The following ATP7A variants were observed in gnomAD, a reference collection of about 807,000 sequenced individuals.
ATP7A encodes the protein ATPase copper transporting alpha.
In ATP7A, 7 loss-of-function variants were observed where a neutral mutation model predicts 83.5. The ratio of observed to expected loss-of-function variants is 0.08; its 90% confidence interval spans 0.05 to 0.16. The LOEUF (loss-of-function observed/expected upper bound fraction) is 0.16, where lower values mean the gene tolerates loss of function less well. ATP7A is among the 10% of genes least tolerant of loss of function. The probability of loss-of-function intolerance (pLI) is 1.00; values close to 1 mark genes in which losing one functional copy is unlikely to be tolerated. For synonymous variants in ATP7A, 354 were observed against 395.2 expected (o/e 0.90, Z 1.24); for missense variants, 940 against 1,120.8 (o/e 0.84, Z 2.30).
At chrX:78,044,421 T>C (rs1201619559) in intron 21 of ATP7A, among the ~76,000 whole-genome samples, 1 of 111,995 alleles carries the variant, frequency 8.9e-6, no homozygotes, top group Non-Finnish European at 1.9e-5. Context: ...GTTTGCTTAT[T>C]AATTTTTTTC....
chrX:78,035,694 AC>A (rs1432798354), intron 17 of ATP7A, among the ~76,000 whole-genome samples: 1 of 111,425 alleles, frequency 9.0e-6, no homozygotes, highest in Non-Finnish European at 1.9e-5. Context: ...CTAACTACTT[AC>A]AGTTCTTCCT....
chrX:77,944,064 A>G (rs889259406), intron 1 of ATP7A, among the ~76,000 whole-genome samples: 1 of 112,179 alleles, frequency 8.9e-6, no homozygotes, highest in African/African-American at 3.2e-5. Context: ...ATATTTTTCT[A>G]TACCCTTGAC....
At chrX:78,014,105 A>T (rs1451088967) in intron 10 of ATP7A, among the ~76,000 whole-genome samples, 1 of 111,120 alleles carries the variant, frequency 9.0e-6, no homozygotes, top group African/African-American at 3.3e-5. Context: ...TAATACTTTT[A>T]AAATATTTTG....
At position 77,962,994 on chromosome X, in the gene ATP7A, A is replaced by C. The variant is rs782387723; in HGVS notation, c.-21-8627A>C. The C allele has an allele frequency of 1.9e-4, 44 of 233,390 alleles. 1 individual carries two copies. Among genetic ancestry groups the C allele is most frequent in the Non-Finnish European group, 2.8e-4 (35 of 123,952 alleles). 19.2% of individuals were successfully genotyped at this position (233,390 alleles called of 1,213,427 possible). On this transcript the variant is annotated intron_variant, in intron 1 of 22. Transcript: ENST00000341514. ...CCACATATATAGGATAATATCTAGC[A>C]GTTCTCTATATCTTCAGAATGAAGT...
intron 4 of ATP7A, among the ~76,000 whole-genome samples, chrX:77,992,228 C>T (rs782210238): frequency 1.5e-4 from 16 of 108,911 alleles, no homozygotes; most frequent in Non-Finnish European, 2.9e-4. Flanking sequence ...CCATGCCTGG[C>T]TAATTTTTGT....
intron 4 of ATP7A, among the ~76,000 whole-genome samples, chrX:77,997,477 G>A (rs972842355): frequency 5.3e-5 from 6 of 112,229 alleles, no homozygotes; most frequent in Non-Finnish European, 7.5e-5. Flanking sequence ...TTCTGTGCAG[G>A]GGTTCCTTTG....
intron 1 of ATP7A, among the ~76,000 whole-genome samples, chrX:77,968,658 G>T (rs1481358257): frequency 8.9e-6 from 1 of 112,510 alleles, no homozygotes; most frequent in East Asian, 2.8e-4. Flanking sequence ...CTGAGAACCT[G>T]TGCTCTAGAA....
chrX:77,940,467 GT>G (rs2149053743), intron 1 of ATP7A, among the ~76,000 whole-genome samples: 1 of 111,255 alleles, frequency 9.0e-6, no homozygotes, highest in East Asian at 2.8e-4. Flanking sequence ...AGTTTCTTAT[GT>G]TATATACTTA....
intron 15 of ATP7A, 95 bp downstream of exon 15, chrX:78,029,539 G>A (rs2077969689): frequency 5.5e-6 from 5 of 907,320 alleles, no homozygotes; most frequent in Non-Finnish European, 7.8e-6. Flanking sequence ...ATTTCTCTGT[G>A]GTCCATGAGC....
chrX:78,030,678 T>TTTTC lies in ATP7A; in HGVS notation c.3112-706_3112-703dup, dbSNP rs1249826000. ...ATCATACTTTGTTGGTTTATTTTTCTTTTCTTTCTTTCTTTCTTTTTTTTT... is the reference window on the plus strand; with the variant it reads ...ATCATACTTTGTTGGTTTATTTTTCTTTTCTTTCTTTCTTTCTTTCTTTTTTTTT... On this transcript the variant is annotated intron_variant, in intron 15 of 22. Transcript: ENST00000341514. Among the ~76,000 whole-genome samples, 7 of 108,562 alleles carry TTTTC rather than the reference T, an allele frequency of 6.4e-5. No individual in the cohort carries two copies. The East Asian group carries it at 8.6e-4, about 13-fold the overall frequency. 94.3% of individuals were successfully genotyped at this position (108,562 alleles called of 115,157 possible).
chrX:77,938,552 C>T (rs2077333205), intron 1 of ATP7A, among the ~76,000 whole-genome samples: 1 of 112,411 alleles, frequency 8.9e-6, no homozygotes, highest in African/African-American at 3.2e-5. Flanking sequence ...AGACATGTCT[C>T]AGGATTCTTA....
intron 1 of ATP7A, chrX:77,962,649 A>G (rs782347740): frequency 1.1e-5 from 4 of 375,995 alleles, no homozygotes; most frequent in South Asian, 4.7e-5. Context: ...TTCCCTGGGC[A>G]TTGCTGTGAG....
At chrX:77,945,178 G>C (rs906603280) in intron 1 of ATP7A, among the ~76,000 whole-genome samples, 1 of 106,478 alleles carries the variant, frequency 9.4e-6, no homozygotes, top group Non-Finnish European at 1.9e-5. Flanking sequence ...TTAATGTTTT[G>C]TTTTGTTTTG....
chrX:77,961,538 A>T (rs2077474731), intron 1 of ATP7A, among the ~76,000 whole-genome samples: 1 of 112,021 alleles, frequency 8.9e-6, no homozygotes, highest in South Asian at 3.7e-4. Context: ...AAGATACAGG[A>T]GCAAGTCTGA....
At chrX:77,927,803 G>A (rs1448206532) in intron 1 of ATP7A, among the ~76,000 whole-genome samples, 3 of 110,239 alleles carry the variant, frequency 2.7e-5, no homozygotes, top group Non-Finnish European at 5.7e-5. Flanking sequence ...AACAGGCCCC[G>A]GTGTGTGATG....
chrX:77,975,112 G>A (rs2077569530), intron 2 of ATP7A, among the ~76,000 whole-genome samples: 1 of 111,619 alleles, frequency 9.0e-6, no homozygotes, highest in Non-Finnish European at 1.9e-5. Flanking sequence ...ATGATTCTAA[G>A]AGTTGGTCCA....
At chrX:78,026,687 A>G (rs889235716) in intron 14 of ATP7A, among the ~76,000 whole-genome samples, 1 of 111,976 alleles carries the variant, frequency 8.9e-6, no homozygotes, top group Non-Finnish European at 1.9e-5. Flanking sequence ...CGGCTTGATC[A>G]TAAAGCAAGT....
intron 17 of ATP7A, among the ~76,000 whole-genome samples, chrX:78,035,313 C>T (rs1388647396): frequency 9.0e-6 from 1 of 111,713 alleles, no homozygotes; most frequent in Non-Finnish European, 1.9e-5. Flanking sequence ...GTTCCAACAC[C>T]TCCCTCCCGA....
In ATP7A at chrX:78,049,417, G is replaced by A. The variant is rs2078100838; in HGVS notation, c.*2847G>A. On this transcript the variant is annotated 3_prime_UTR_variant, in exon 23 of 23. Transcript: ENST00000341514. ...TCTTCTGTATTCACTCAGCAACCAT[G>A]CCCTTAGTCTGAAGATAACAAGGAT... The A allele has an allele frequency of 8.9e-6, 1 of 112,254 alleles. No individual in the cohort carries two copies. Among genetic ancestry groups the A allele is most frequent in the Non-Finnish European group, 1.9e-5 (1 of 53,118 alleles). The allele number at this position is 112,254 out of a possible 1,213,427, so 9.3% of individuals were successfully genotyped here.
Sources: gnomAD v4.1 joint callset for allele counts (sites outside exome capture counted in the v4.1 genomes callset) on GRCh38, gnomAD v4.1.1 for gene constraint, MANE v1.5 for transcripts, NCBI Gene and HGNC (gene_info 2026-07-23, HGNC 2026-07-21) for gene names.